CACNA1G: variants seen among roughly 807,000 people sequenced by gnomAD.
CACNA1G encodes the protein calcium voltage-gated channel subunit alpha1 G.
A neutral mutation model predicts 219.4 loss-of-function variants in CACNA1G; 67 were observed. The observed-to-expected ratio is 0.31, with a 90% CI of 0.25 to 0.37. The LOEUF (loss-of-function observed/expected upper bound fraction) is 0.37. Among genes scored for constraint, CACNA1G ranks in the 10% least tolerant of loss-of-function variants. The pLI, the probability that CACNA1G is intolerant of heterozygous loss-of-function variation, is 1.00. For synonymous variants in CACNA1G, 1,296 were observed against 1,345.3 expected (o/e 0.96, Z 0.80); for missense variants, 2,380 against 3,231.4 (o/e 0.74, Z 6.39).
chr17:50,606,597 G>A (rs1042989138), intron 23 of CACNA1G: 14 of 535,840 alleles, frequency 2.6e-5, no homozygotes, highest in East Asian at 9.6e-5. Context: ...GAAATTGCTC[G>A]CTCAGTTTTG....
At chr17:50,567,085 C>T (rs1180309224) in intron 1 of CACNA1G, among the ~76,000 whole-genome samples, 1 of 152,230 alleles carries the variant, frequency 6.6e-6, no homozygotes, top group Non-Finnish European at 1.5e-5. Flanking sequence ...TGGCTCCCTT[C>T]CTGTCCCCCT....
intron 35 of CACNA1G, among the ~76,000 whole-genome samples, chr17:50,622,166 T>TCCCCCCCCCCTCCCCCCCCCCCCCCCCC (rs1598808735): frequency 7.5e-6 from 1 of 132,920 alleles, no homozygotes; most frequent in Non-Finnish European, 1.6e-5. Context: ...CTGTGCCTGT[T>TCCCCCCCCCCTCCCCCCCCCCCCCCCCC]CCCCTCCTCC....
intron 9 of CACNA1G, among the ~76,000 whole-genome samples, chr17:50,581,411 G>A (rs1176146528): frequency 6.6e-6 from 1 of 152,022 alleles, no homozygotes; most frequent in Admixed American, 6.5e-5. Context: ...GGCGGGCACT[G>A]GAAAGGGTGT....
intron 9 of CACNA1G, among the ~76,000 whole-genome samples, chr17:50,582,630 T>A (rs939828371): frequency 6.6e-6 from 1 of 151,598 alleles, no homozygotes; most frequent in South Asian, 2.1e-4. Context: ...GGGCCAGACC[T>A]CTCCAGGAAG....
intron 22 of CACNA1G, among the ~76,000 whole-genome samples, chr17:50,605,652 A>C (rs2047792822): frequency 6.6e-6 from 1 of 152,150 alleles, no homozygotes; most frequent in Non-Finnish European, 1.5e-5. Context: ...AAGATGAATG[A>C]CTGTTACCCG....
chr17:50,624,190 C>T (rs938379337), intron 36 of CACNA1G, 115 bp downstream of exon 36: 18 of 1,357,920 alleles, frequency 1.3e-5, no homozygotes, highest in Admixed American at 1.0e-4. Flanking sequence ...TATCTCTGAC[C>T]TCAGGGGAGC....
At chr17:50,569,349 C>G in intron 3 of CACNA1G, 51 bp downstream of exon 3, 1 of 1,596,274 alleles carries the variant, frequency 6.3e-7, no homozygotes, top group South Asian at 1.1e-5. Flanking sequence ...CGGTCCCTTC[C>G]CCGGGGCCAG....
At position 50,576,101 on chromosome 17, in the gene CACNA1G, C is replaced by T. The variant is rs60802569; in HGVS notation, c.1699C>T (p.Arg567Cys). 1.8e-3 allele frequency: 2,806 copies of T among 1,592,860 alleles called. 36 individuals are homozygous for T. The African/African-American group carries it at 0.035, about 20-fold the overall frequency. ...TGCCGACTGCCACTTAGAGCCAGTC[C>T]GCTGCCAGGCGCCCCCTCCCAGGTC... is the stretch of plus-strand genomic sequence containing the variant. ...YHADCHLEPV[R>C]CQAPPPRSPS... Residue 567 changes from arginine to cysteine, a missense_variant, in exon 8 of 38, where the codon CGC becomes TGC. Coordinates refer to ENST00000359106, the MANE Select transcript of CACNA1G (RefSeq NM_018896.5).
In CACNA1G at chr17:50,603,712, A is replaced by AG. The variant is rs1242346373; in HGVS notation, c.4170-442dup. 1.2e-4 allele frequency among the ~76,000 whole-genome samples: 17 copies of AG among 145,196 alleles called. No individual in the cohort carries two copies. The highest frequency in any genetic ancestry group is 4.2e-4 in the African/African-American group (16 of 38,420). ...ATCAGCCAGTCACCACCCCCAACTCAGATTTTTTTTTTTTAATAGGGATGA... is the reference window on the plus strand; with the variant it reads ...ATCAGCCAGTCACCACCCCCAACTCAGGATTTTTTTTTTTTAATAGGGATGA... On this transcript the variant is annotated intron_variant, in intron 21 of 37. Coordinates refer to ENST00000359106, the MANE Select transcript of CACNA1G (RefSeq NM_018896.5). This position sits in a 1 kb window ranked among gnomAD's most constrained non-coding sequence, Gnocchi z 6.4.
intron 26 of CACNA1G, among the ~76,000 whole-genome samples, chr17:50,611,457 G>A (rs1417953739): frequency 6.6e-6 from 1 of 152,074 alleles, no homozygotes; most frequent in African/African-American, 2.4e-5. Context: ...GAACCCCTGA[G>A]CCCCCATTGA....
At chr17:50,594,854 C>T (rs1002608620) in intron 13 of CACNA1G, 139 bp from the exon 14 acceptor site, 3 of 630,354 alleles carry the variant, frequency 4.8e-6, no homozygotes, top group African/African-American at 3.6e-5. Context: ...TCTGCCCCCC[C>T]ATTCCCCGTG....
At chr17:50,609,202 C>CG (rs943896641) in intron 25 of CACNA1G, among the ~76,000 whole-genome samples, 93 of 152,048 alleles carry the variant, frequency 6.1e-4, no homozygotes, top group Non-Finnish European at 1.1e-3. Context: ...CACTCTGAGG[C>CG]GGGGGGAGAG....
At chr17:50,609,776 A>G in intron 25 of CACNA1G, 106 bp from the exon 26 acceptor site, 1 of 933,468 alleles carries the variant, frequency 1.1e-6, no homozygotes, top group Non-Finnish European at 1.6e-6. Context: ...AGCGCACCCC[A>G]CCCATAGGCA....
chr17:50,606,833 G>T (rs546316055), intron 23 of CACNA1G, 67 bp from the exon 24 acceptor site: 2 of 1,157,848 alleles, frequency 1.7e-6, no homozygotes, highest in Non-Finnish European at 2.6e-6. Flanking sequence ...CACTTTGGGG[G>T]CAGGTGATAG....
intron 1 of CACNA1G, 55 bp from the exon 2 acceptor site, chr17:50,568,814 TC>T: frequency 7.1e-7 from 1 of 1,408,774 alleles, no homozygotes; most frequent in Non-Finnish European, 1.0e-6. Flanking sequence ...TAGGGCGGGG[TC>T]GGGGGGCCGG....
chr17:50,575,705 G>T lies in CACNA1G; in HGVS notation c.1303G>T (p.Glu435Ter). The change falls in exon 8 of 38, where the codon GAG becomes TAG. Residue 435 changes from glutamate (E) to a stop codon, truncating the protein, a stop_gained. Transcript: ENST00000359106. LOFTEE classifies it high-confidence loss of function. The part of the protein sequence containing the change: ...SFSEPGSCYE[E>*]LLKYLVYILR... The stretch of plus-strand genomic sequence containing the variant: ...CTCTGAGCCCGGCAGCTGCTATGAG[G>T]AGCTGCTCAAGTACCTGGTGTACAT... 6.2e-7 allele frequency: 1 copy of T among 1,605,390 alleles called. No homozygotes were observed. Among genetic ancestry groups the T allele is most frequent in the Non-Finnish European group, 8.5e-7 (1 of 1,175,942 alleles).
At chr17:50,585,662 A>C (rs1042571536) in intron 9 of CACNA1G, among the ~76,000 whole-genome samples, 2 of 151,988 alleles carry the variant, frequency 1.3e-5, no homozygotes, top group African/African-American at 4.8e-5. Flanking sequence ...GGGGGATCCA[A>C]ACTGGAGAGC....
Position 50,600,625 on chromosome 17 carries a change from A to G in CACNA1G, c.3691-101A>G. On this transcript the variant is annotated intron_variant, in intron 17 of 37. Transcript: ENST00000359106. This position sits in a 1 kb window ranked among gnomAD's most constrained non-coding sequence, Gnocchi z 4.1. ...GGGCAGAGCTTGGGCCCCAGGTGGGAGAGGGTAGACAAGGAGTGAGGCTCG... is the reference window on the plus strand; with the variant it reads ...GGGCAGAGCTTGGGCCCCAGGTGGGGGAGGGTAGACAAGGAGTGAGGCTCG... The G allele has an allele frequency of 1.1e-6, 1 of 946,666 alleles. No individual in the cohort carries two copies. The highest frequency in any genetic ancestry group is 1.7e-6 in the Non-Finnish European group (1 of 593,070). The allele number at this position is 946,666 out of a possible 1,614,324, so 58.6% of individuals were successfully genotyped here.
At chr17:50,565,384 G>GGGT (rs1555632652) in intron 1 of CACNA1G, among the ~76,000 whole-genome samples, 1 of 79,354 alleles carries the variant, frequency 1.3e-5, no homozygotes, top group South Asian at 3.3e-4. Context: ...TTGTGGGGTG[G>GGGT]GGCGGGGGGT....
Sources: allele counts gnomAD v4.1 joint callset (sites outside exome capture counted in the v4.1 genomes callset), GRCh38; gene constraint gnomAD v4.1.1; non-coding constraint Gnocchi (gnomAD v3.1); transcripts MANE v1.5; gene names NCBI Gene and HGNC (gene_info 2026-07-23, HGNC 2026-07-21).